The following JMJD1C variants were observed in gnomAD, a reference collection of about 807,000 sequenced individuals.
JMJD1C encodes jumonji domain-containing protein 1C.
In JMJD1C, 31 loss-of-function variants were observed where a neutral mutation model predicts 245.3. That is an observed-to-expected ratio of 0.13 (90% CI 0.09 to 0.17). The LOEUF (loss-of-function observed/expected upper bound fraction) is 0.17, where lower values mean the gene tolerates loss of function less well. JMJD1C is among the 10% of genes least tolerant of loss of function. The probability of loss-of-function intolerance (pLI) is 1.00; values close to 1 mark genes in which losing one functional copy is unlikely to be tolerated. For synonymous variants in JMJD1C, 1,057 were observed against 1,017.4 expected (o/e 1.04, Z -0.74); for missense variants, 2,691 against 3,000.2 (o/e 0.90, Z 2.41).
At chr10:63,247,048 C>T (rs1411044463) in intron 3 of JMJD1C, among the ~76,000 whole-genome samples, 1 of 133,686 alleles carries the variant, frequency 7.5e-6, no homozygotes, top group African/African-American at 2.6e-5. Flanking sequence ...AAACTAAATC[C>T]AAAATTAGTA....
In JMJD1C at chr10:63,208,512, C is replaced by G. The variant is rs144839482; in HGVS notation, c.3157G>C (p.Ala1053Pro). Residue 1053 changes from alanine to proline, a missense_variant, in exon 10 of 26, where the codon GCA (alanine) becomes CCA (proline). By Grantham distance (27) the Ala-to-Pro change is conservative. This residue lies in a region of JMJD1C where 1,562 missense variants were observed against 1,490.7 expected (regional missense o/e 1.05). Transcript: ENST00000399262. ...CTTTTAGGACTGGAAGATGATGATG[C>G]CACTCTGGAATAATTCTCTCTCTCA... ...EGERENYSRV[A>P]SSSSSPKSHI... is the part of the protein sequence containing the mutation. 111 of 1,614,002 alleles carry G rather than the reference C, an allele frequency of 6.9e-5. No individual in the cohort carries two copies. In the African/African-American group the frequency reaches 1.3e-3, roughly 18 times the overall value.
intron 18 of JMJD1C, among the ~76,000 whole-genome samples, chr10:63,187,701 A>C (rs1161964074): frequency 2.6e-5 from 4 of 152,220 alleles, no homozygotes; most frequent in Admixed American, 2.0e-4. Flanking sequence ...TTGGCCTCCC[A>C]AAATGTTGGG....
intron 2 of JMJD1C, among the ~76,000 whole-genome samples, chr10:63,361,730 A>AAG (rs1945354312): frequency 7.0e-6 from 1 of 142,094 alleles, no homozygotes; most frequent in African/African-American, 2.8e-5. Flanking sequence ...AAAAAAAAAA[A>AAG]AAAAAAAAAA....
chr10:63,283,050 G>C (rs1006655659), intron 2 of JMJD1C, among the ~76,000 whole-genome samples: 1 of 152,100 alleles, frequency 6.6e-6, no homozygotes, highest in African/African-American at 2.4e-5. Context: ...CAGTTTCACT[G>C]AAGTCCTGTC....
rs71025162 is a variant in JMJD1C at position 63,347,067 on chromosome 10, A to AT, written c.333+33250dup. On this transcript the variant is annotated intron_variant, in intron 2 of 25. Transcript: ENST00000399262. ...CTGCAGTATAGAACAAATGAAAAGA[A>AT]TTTTTTTTTTTTTTTTTTTTTGAGA... 3.6e-3 allele frequency among the ~76,000 whole-genome samples: 378 copies of AT among 104,178 alleles called. 2 individuals carry two copies. Among genetic ancestry groups the AT allele is most frequent in the Middle Eastern group, 0.02 (4 of 198 alleles). The allele number at this position is 104,178 out of a possible 152,430, so 68.3% of individuals were successfully genotyped here.
chr10:63,219,851 T>C (rs760295103), intron 4 of JMJD1C, 27 bp downstream of exon 4: 1 of 1,556,826 alleles, frequency 6.4e-7, no homozygotes, highest in South Asian at 1.1e-5. Context: ...TCCAAAAAAA[T>C]TTAATGCATA....
intron 1 of JMJD1C, among the ~76,000 whole-genome samples, chr10:63,504,685 T>C (rs190169426): frequency 6.6e-6 from 1 of 152,186 alleles, no homozygotes; most frequent in East Asian, 1.9e-4. Context: ...TAAGAGGTTC[T>C]CTCATTTGTG....
At chr10:63,301,293 G>A (rs1860040814) in intron 2 of JMJD1C, among the ~76,000 whole-genome samples, 1 of 152,182 alleles carries the variant, frequency 6.6e-6, no homozygotes, top group Admixed American at 6.6e-5. Flanking sequence ...GGGATGACAG[G>A]CATGAACCAC....
chr10:63,249,268 G>C (rs1445856455), intron 3 of JMJD1C, among the ~76,000 whole-genome samples: 2 of 152,006 alleles, frequency 1.3e-5, no homozygotes, highest in African/African-American at 2.4e-5. Flanking sequence ...GTCAGGTGAG[G>C]TTGCACCATT....
At chr10:63,368,838 G>C (rs1260899736) in intron 2 of JMJD1C, among the ~76,000 whole-genome samples, 1 of 151,806 alleles carries the variant, frequency 6.6e-6, no homozygotes, top group African/African-American at 2.4e-5. Flanking sequence ...AGTAGAGACA[G>C]GGTTTAGCCA....
At chr10:63,301,862 A>T (rs1022788374) in intron 2 of JMJD1C, 2 of 371,770 alleles carry the variant, frequency 5.4e-6, no homozygotes, top group Non-Finnish European at 1.1e-5. Context: ...AAAAACAAAC[A>T]AATGGCTAAA....
At chr10:63,413,843 C>T (rs536212260) in intron 1 of JMJD1C, among the ~76,000 whole-genome samples, 2 of 151,984 alleles carry the variant, frequency 1.3e-5, no homozygotes, top group South Asian at 4.1e-4. Flanking sequence ...CTGAAAAATA[C>T]CAGATAAACC....
chr10:63,338,322 T>C (rs1943037423), intron 2 of JMJD1C, among the ~76,000 whole-genome samples: 1 of 151,946 alleles, frequency 6.6e-6, no homozygotes. Flanking sequence ...TCTTATAAGA[T>C]GGAGTTTCAC....
intron 8 of JMJD1C, among the ~76,000 whole-genome samples, chr10:63,209,649 T>C (rs1294697643): frequency 6.6e-6 from 1 of 152,098 alleles, no homozygotes; most frequent in African/African-American, 2.4e-5. Flanking sequence ...ACCAAATTCA[T>C]TTGTCAATTT....
intron 1 of JMJD1C, among the ~76,000 whole-genome samples, chr10:63,492,354 C>T (rs1057477861): frequency 2.0e-5 from 3 of 152,118 alleles, no homozygotes; most frequent in Admixed American, 6.6e-5. Context: ...TTTTAGCCTA[C>T]AATAAAGATT....
chr10:63,228,945 A>G (rs886734913), intron 3 of JMJD1C, among the ~76,000 whole-genome samples: 56 of 152,318 alleles, frequency 3.7e-4, no homozygotes, highest in African/African-American at 1.3e-3. Context: ...AATTTGCAAG[A>G]TAAGATTTCC....
chr10:63,469,445 G>C (rs2133145605), upstream of JMJD1C, among the ~76,000 whole-genome samples: 1 of 152,226 alleles, frequency 6.6e-6, no homozygotes, highest in East Asian at 1.9e-4. Flanking sequence ...ATACTAAAAA[G>C]TCACTTAAAA....
intron 10 of JMJD1C, chr10:63,202,869 T>C: frequency 1.0e-6 from 1 of 977,350 alleles, no homozygotes; most frequent in Non-Finnish European, 1.2e-6. Context: ...AACACTTGCT[T>C]CTAATCATCT....
At chr10:63,428,134 T>C (rs576061848) in intron 1 of JMJD1C, among the ~76,000 whole-genome samples, 1 of 152,136 alleles carries the variant, frequency 6.6e-6, no homozygotes, top group South Asian at 2.1e-4. Context: ...AAGGAATTCA[T>C]ATGAGAGGAG....
Sources: allele counts gnomAD v4.1 joint callset (sites outside exome capture counted in the v4.1 genomes callset), GRCh38; gene constraint gnomAD v4.1.1; regional missense constraint gnomAD v4.1.1; transcripts MANE v1.5; gene names NCBI Gene and HGNC (gene_info 2026-07-23, HGNC 2026-07-21).